Variants in KCNH4 observed in about 807,000 individuals in gnomAD.
The protein encoded by KCNH4 is voltage-gated delayed rectifier potassium channel KCNH4.
In KCNH4, 33 loss-of-function variants were observed where a neutral mutation model predicts 90.7. The ratio of observed to expected loss-of-function variants is 0.36; its 90% CI spans 0.28 to 0.49. KCNH4 has a LOEUF of 0.49. KCNH4 is among the 20% of genes least tolerant of loss of function. The probability of loss-of-function intolerance (pLI) is 0.98; values close to 1 mark genes in which losing one functional copy is unlikely to be tolerated. For synonymous variants in KCNH4, 551 were observed against 581.7 expected (o/e 0.95, Z 0.76); for missense variants, 1,044 against 1,387.1 (o/e 0.75, Z 3.93).
At chr17:42,162,599 G>T (rs1193587477) in intron 14 of KCNH4, among the ~76,000 whole-genome samples, 2 of 145,336 alleles carry the variant, frequency 1.4e-5, no homozygotes, top group African/African-American at 2.5e-5. Flanking sequence ...AATTGTTTTT[G>T]TTTTTTTTTT....
intron 11 of KCNH4, among the ~76,000 whole-genome samples, chr17:42,165,158 C>T (rs925625015): frequency 8.6e-5 from 13 of 151,774 alleles, no homozygotes; most frequent in Non-Finnish European, 1.8e-4. Flanking sequence ...AGGGAGGGTC[C>T]TTTGAAGGAG....
Position 42,163,661 on chromosome 17 carries a change from G to C in KCNH4, c.2422C>G (p.Pro808Ala). The C allele has an allele frequency of 6.6e-7, 1 of 1,508,222 alleles. No homozygotes were observed. 93.4% of individuals were successfully genotyped at this position (1,508,222 alleles called of 1,614,324 possible). ...CCCAGTGGGGGAATGAGAAGCTGAG[G>C]GGGCTTCCAGGCAGCAGAGCACCTG... ...PPRCSAAWKPPQLLIPPLGTF... is the reference protein window; with the variant it reads ...PPRCSAAWKPAQLLIPPLGTF... Residue 808 changes from proline (P) to alanine (A), a missense_variant, in exon 13 of 17, where the codon CCT becomes GCT. Around this residue, in one of 4 missense-constraint regions of KCNH4, gnomAD observed 441 missense variants for 512.3 expected, o/e 0.86. Coordinates refer to ENST00000264661, the MANE Select transcript of KCNH4 (RefSeq NM_012285.3). The surrounding 1 kb of genome is among the most constrained non-coding windows in gnomAD (Gnocchi z 5.4).
chr17:42,160,105 C>A lies in KCNH4; in HGVS notation c.2989G>T (p.Ala997Ser), dbSNP rs1416193802. ...AAGAGGCTTGGGGTTGGGGGTGAGG[C>A]CTCTGGCACTGGAGAGGGTCCCAGA... is the stretch of plus-strand genomic sequence containing the variant. Reference protein sequence around the residue: ...DPLGPSPVPEASPPTPSLLRH... With the variant: ...DPLGPSPVPESSPPTPSLLRH... The change falls in exon 16 of 17, where the codon GCC (alanine) becomes TCC (serine). Residue 997 changes from alanine to serine, a missense_variant. Around this residue, in one of 4 missense-constraint regions of KCNH4, gnomAD observed 441 missense variants for 512.3 expected, o/e 0.86. Coordinates refer to ENST00000264661, the MANE Select transcript of KCNH4 (RefSeq NM_012285.3). The A allele has an allele frequency of 1.9e-6, 3 of 1,583,812 alleles. No individual in the cohort carries two copies. Among genetic ancestry groups the A allele is most frequent in the Non-Finnish European group, 2.6e-6 (3 of 1,163,278 alleles).
At chr17:42,166,687 C>CT (rs1182313974) in intron 9 of KCNH4, 141 bp from the exon 10 acceptor site, 30 of 1,057,702 alleles carry the variant, frequency 2.8e-5, no homozygotes, top group Non-Finnish European at 4.1e-5. Flanking sequence ...AGTACAACCT[C>CT]TGTGTCTAAC....
At chr17:42,179,848 G>A (rs540767489) in intron 1 of KCNH4, among the ~76,000 whole-genome samples, 4 of 152,358 alleles carry the variant, frequency 2.6e-5, no homozygotes, top group Admixed American at 6.5e-5. Flanking sequence ...AGCAGAACCC[G>A]AGCTGTCTCC....
Position 42,178,226 on chromosome 17 carries a change from T to C in KCNH4, c.459A>G (p.Glu153=), listed in dbSNP as rs2144143212. 1 of 1,614,226 alleles carries C rather than the reference T, an allele frequency of 6.2e-7. No homozygotes were observed. Among genetic ancestry groups the C allele is most frequent in the Non-Finnish European group, 8.5e-7 (1 of 1,180,040 alleles). ...TGGCTCCCCTTCTACCAAGGGAGTT[T>C]TCTGTTGGGAAGAAAGGTGCAGAGA... ...PQGGRGDSNH[E]NSLGRRGATW... Residue 153 remains glutamate, a splice_region_variant and synonymous_variant, in exon 4 of 17, where the codon GAA becomes GAG. Transcript: ENST00000264661.
intron 11 of KCNH4, 70 bp downstream of exon 11, chr17:42,165,379 C>G: frequency 6.3e-7 from 1 of 1,581,876 alleles, no homozygotes; most frequent in Non-Finnish European, 8.6e-7. Flanking sequence ...TCATGGGACT[C>G]TCAGGCTGGG....
intron 8 of KCNH4, 66 bp from the exon 9 acceptor site, chr17:42,169,742 C>T: frequency 6.5e-7 from 1 of 1,529,052 alleles, no homozygotes; most frequent in Non-Finnish European, 9.0e-7. Flanking sequence ...AGCTCCCAAA[C>T]CCACCCTGTC....
chr17:42,170,620 A>T (rs1459338954), intron 7 of KCNH4, among the ~76,000 whole-genome samples: 2 of 152,200 alleles, frequency 1.3e-5, no homozygotes, highest in Non-Finnish European at 2.9e-5. Context: ...TATAGCCTGG[A>T]GGGGAAAGAG....
In KCNH4 at chr17:42,169,567, A is replaced by T; in HGVS notation, c.1500T>A (p.Arg500=). The T allele has an allele frequency of 6.2e-7, 1 of 1,613,864 alleles. No homozygotes were observed. The highest frequency in any genetic ancestry group is 1.1e-5 in the South Asian group (1 of 91,092). Residue 500 remains arginine (R), a synonymous_variant, in exon 9 of 17, where the codon CGT becomes CGA. Transcript: ENST00000264661. ...SRMKDLKDFI[R]VHRLPRPLKQ... ...TGAGCGGCCGCGGCAGGCGGTGCAC[A>T]CGGATGAAGTCCTTGAGGTCCTTCA... is the stretch of plus-strand genomic sequence containing the variant.
intron 11 of KCNH4, 27 bp downstream of exon 11, chr17:42,165,422 G>C (rs562415310): frequency 6.2e-7 from 1 of 1,610,640 alleles, no homozygotes; most frequent in East Asian, 2.2e-5. Flanking sequence ...ACTCTGGAAG[G>C]ATGGCGGTCA....
chr17:42,157,994 T>C (rs1391656415), intron 16 of KCNH4, among the ~76,000 whole-genome samples: 1 of 152,146 alleles, frequency 6.6e-6, no homozygotes, highest in African/African-American at 2.4e-5. Flanking sequence ...AATGGCACGA[T>C]CTCGGCTCAC....
chr17:42,171,703 G>C, intron 7 of KCNH4, 85 bp downstream of exon 7: 1 of 1,155,262 alleles, frequency 8.7e-7, no homozygotes, highest in Non-Finnish European at 1.3e-6. Context: ...TGTGGGATGA[G>C]GGGTGTGGGT....
rs977484541 is a variant in KCNH4, at chr17:42,163,498, C to T, written c.2477+108G>A. ...TGGTTGGAAGGGTGCGGTGGGCACA[C>T]GGGCAGAGACGGAATGTAGCACTGT... On this transcript the variant is annotated intron_variant, in intron 13 of 16. Transcript: ENST00000264661. This position sits in a 1 kb window ranked among gnomAD's most constrained non-coding sequence, Gnocchi z 5.4. The T allele has an allele frequency of 6.8e-6, 5 of 738,054 alleles. No homozygotes were observed. The highest frequency in any genetic ancestry group is 2.7e-5 in the East Asian group (1 of 37,244). 45.7% of individuals were successfully genotyped at this position (738,054 alleles called of 1,614,324 possible).
At chr17:42,168,234 A>T (rs761695588) in intron 9 of KCNH4, among the ~76,000 whole-genome samples, 9 of 152,256 alleles carry the variant, frequency 5.9e-5, no homozygotes, top group Non-Finnish European at 1.2e-4. Flanking sequence ...ATCATCTCTA[A>T]GCTCTCTGTG....
Position 42,163,813 on chromosome 17 carries a change from G to C in KCNH4, c.2270C>G (p.Ser757Cys). 1 of 1,527,188 alleles carries C rather than the reference G, an allele frequency of 6.5e-7. No individual in the cohort carries two copies. Among genetic ancestry groups the C allele is most frequent in the Non-Finnish European group, 8.8e-7 (1 of 1,137,880 alleles). The allele number at this position is 1,527,188 out of a possible 1,614,324, so 94.6% of individuals were successfully genotyped here. A position where few individuals can be genotyped will look rare whatever the true frequency, so the allele number is the denominator to read the frequency against. The part of the protein sequence containing the change: ...PNLSPARPRG[S>C]LVSLLGEELP... ...CTCCTCGCCCAAAAGGCTGACCAGG[G>C]AGCCCCGAGGCCGTGCTGGGCTGAG... The change falls in exon 13 of 17, where the codon TCC becomes TGC. Residue 757 changes from serine (S) to cysteine (C), a missense_variant. Ser to Cys is a moderately radical substitution (Grantham distance 112). This residue lies in a region of KCNH4 where 441 missense variants were observed against 512.3 expected (regional missense o/e 0.86). Transcript: ENST00000264661. The surrounding 1 kb of genome is among the most constrained non-coding windows in gnomAD (Gnocchi z 5.4).
At position 42,164,180 on chromosome 17, in the gene KCNH4, T is replaced by G; in HGVS notation, c.2086-12A>C. The stretch of plus-strand genomic sequence containing the variant: ...AAGCGGCTGAGGCCCTGTGGGGACA[T>G]AGGAGAGTTCAAGCTGATTCCTGCC... On this transcript the variant is annotated splice_polypyrimidine_tract_variant and intron_variant, in intron 11 of 16. Transcript: ENST00000264661. 1 of 1,545,622 alleles carries G rather than the reference T, an allele frequency of 6.5e-7. No homozygotes were observed. The highest frequency in any genetic ancestry group is 8.7e-7 in the Non-Finnish European group (1 of 1,144,092).
rs1279692112 is a variant in KCNH4, at chr17:42,163,167, A to T, written c.2584+61T>A. 8.6e-7 allele frequency: 1 copy of T among 1,160,644 alleles called. No homozygotes were observed. Among genetic ancestry groups the T allele is most frequent in the Non-Finnish European group, 1.3e-6 (1 of 768,132 alleles). The allele number at this position is 1,160,644 out of a possible 1,614,324, so 71.9% of individuals were successfully genotyped here. ...ATGGTAGGCCCCTACTACATATGGG[A>T]TGGATGGACAGGTGGATGGGCAGAT... On this transcript the variant is annotated intron_variant, in intron 14 of 16. Transcript: ENST00000264661. The surrounding 1 kb of genome is among the most constrained non-coding windows in gnomAD (Gnocchi z 5.4).
At chr17:42,168,691 T>C (rs1364669072) in intron 9 of KCNH4, among the ~76,000 whole-genome samples, 1 of 152,164 alleles carries the variant, frequency 6.6e-6, no homozygotes, top group Non-Finnish European at 1.5e-5. Flanking sequence ...TTTGGGCAAA[T>C]GTGTGCCCTT....
Sources: gnomAD v4.1 joint callset for allele counts (sites outside exome capture counted in the v4.1 genomes callset) on GRCh38, gnomAD v4.1.1 for gene constraint, gnomAD v4.1.1 regional missense constraint, Gnocchi (gnomAD v3.1) non-coding constraint, MANE v1.5 for transcripts, NCBI Gene and HGNC (gene_info 2026-07-23, HGNC 2026-07-21) for gene names.